THBS4: variants seen among roughly 807,000 people sequenced by gnomAD.
THBS4 encodes the protein thrombospondin-4.
A neutral mutation model predicts 115.7 loss-of-function variants in THBS4; 90 were observed. That is an observed-to-expected ratio of 0.78 (90% CI 0.66 to 0.93). The LOEUF (loss-of-function observed/expected upper bound fraction) is 0.93. Among genes scored for constraint, THBS4 ranks in the 40% least tolerant of loss-of-function variants. THBS4 has a pLI of 0.00. For synonymous variants in THBS4, 460 were observed against 479.3 expected, an observed-to-expected ratio of 0.96 and a Z score of 0.53; for missense variants, 1,087 against 1,232.7, an observed-to-expected ratio of 0.88 and a Z score of 1.77.
chr5:80,050,042 C>G (rs1833204331), intron 2 of THBS4, among the ~76,000 whole-genome samples: 1 of 152,140 alleles, frequency 6.6e-6, no homozygotes, highest in African/African-American at 2.4e-5. Context: ...GGGTACTAAC[C>G]CTGCACAATA....
Position 80,061,821 on chromosome 5 carries a change from T to C in THBS4, c.1114T>C (p.Ser372Pro), listed in dbSNP as rs769023940. 1 of 1,607,120 alleles carries C rather than the reference T, an allele frequency of 6.2e-7. No homozygotes were observed. The highest frequency in any genetic ancestry group is 1.1e-5 in the South Asian group (1 of 90,668). ...VQGVGISFAK[S>P]NKQVCTDIDE... is the part of the protein sequence containing the mutation. ...GGGTGTTGGGATCAGTTTTGCCAAG[T>C]CAAACAAGCAGGTAGGCTGAAGTCA... is the stretch of plus-strand genomic sequence containing the variant. Residue 372 changes from serine to proline, a missense_variant, in exon 8 of 22, where the codon TCA (serine) becomes CCA (proline). Ser to Pro is a moderately conservative substitution (Grantham distance 74). Coordinates refer to ENST00000350881, the MANE Select transcript of THBS4 (RefSeq NM_003248.6).
intron 20 of THBS4, among the ~76,000 whole-genome samples, chr5:80,081,255 CTT>C (rs1743491057): frequency 6.6e-6 from 1 of 152,144 alleles, no homozygotes; most frequent in South Asian, 2.1e-4. Flanking sequence ...CAAATGTACT[CTT>C]TTTGTCTCAC....
At chr5:80,022,149 T>C (rs1393382628) in intron 2 of THBS4, among the ~76,000 whole-genome samples, 2 of 152,186 alleles carry the variant, frequency 1.3e-5, no homozygotes, top group Non-Finnish European at 2.9e-5. Flanking sequence ...GGTCCCAGGT[T>C]TTATCAGGCA....
At chr5:79,993,586 C>T (rs1271330009) in intron 1 of THBS4, among the ~76,000 whole-genome samples, 1 of 152,086 alleles carries the variant, frequency 6.6e-6, no homozygotes, top group Admixed American at 6.5e-5. Flanking sequence ...AATGAGTATC[C>T]CAGACAGTGT....
chr5:80,060,619 G>T (rs1833599168), intron 7 of THBS4, among the ~76,000 whole-genome samples: 1 of 152,142 alleles, frequency 6.6e-6, no homozygotes, highest in Admixed American at 6.5e-5. Flanking sequence ...AATTACTGGG[G>T]CATGGTGGCA....
intron 9 of THBS4, 41 bp downstream of exon 9, chr5:80,065,518 G>A (rs748238944): frequency 3.2e-5 from 50 of 1,575,000 alleles, no homozygotes; most frequent in Non-Finnish European, 4.3e-5. Context: ...AGCAGAACCG[G>A]TTATTAAAAC....
chr5:80,019,272 T>TACAC (rs913254326), intron 2 of THBS4, among the ~76,000 whole-genome samples: 1 of 151,946 alleles, frequency 6.6e-6, no homozygotes, highest in Non-Finnish European at 1.5e-5. Context: ...AAAAAAGTCA[T>TACAC]ACACACACAC....
intron 11 of THBS4, 62 bp downstream of exon 11, chr5:80,070,472 T>C (rs1834000174): frequency 6.6e-7 from 1 of 1,510,932 alleles, no homozygotes; most frequent in Non-Finnish European, 9.2e-7. Context: ...TCACATCTTC[T>C]ATGGGGAGAG....
Position 80,078,068 on chromosome 5 carries a change from C to G in THBS4, c.2106C>G (p.Ile702Met). 1 of 1,595,284 alleles carries G rather than the reference C, an allele frequency of 6.3e-7. No individual in the cohort carries two copies. The highest frequency in any genetic ancestry group is 8.6e-7 in the Non-Finnish European group (1 of 1,167,426). Residue 702 changes from isoleucine (I) to methionine (M), a missense_variant, in exon 17 of 22, where the codon ATC becomes ATG. By Grantham distance (10) the Ile-to-Met change is conservative (BLOSUM62 1). Coordinates refer to ENST00000350881, the MANE Select transcript of THBS4 (RefSeq NM_003248.6). ...ACTCAGGCGACGGAGTGGGAGACAT[C>G]TGTGAGTCTGACTTTGACCAGGACC... ...EDSNSDGVGD[I>M]CESDFDQDQV...
At chr5:80,014,272 C>T (rs1037616812) in intron 2 of THBS4, among the ~76,000 whole-genome samples, 1 of 152,204 alleles carries the variant, frequency 6.6e-6, no homozygotes, top group Admixed American at 6.5e-5. Flanking sequence ...AGAGGATACT[C>T]AATGGATGTA....
At chr5:80,068,157 T>C (rs1468319332) in intron 10 of THBS4, 32 bp downstream of exon 10, 1 of 1,610,946 alleles carries the variant, frequency 6.2e-7, no homozygotes, top group Admixed American at 1.7e-5. Flanking sequence ...TCTATCATTT[T>C]TCCTCTTCCA....
intron 8 of THBS4, among the ~76,000 whole-genome samples, chr5:80,064,782 T>C (rs1157098176): frequency 2.0e-5 from 3 of 152,106 alleles, no homozygotes; most frequent in Non-Finnish European, 4.4e-5. Context: ...CAGATAAGTT[T>C]GTAAAACAGA....
intron 9 of THBS4, chr5:80,067,430 C>G (rs1457963348): frequency 6.6e-6 from 1 of 151,860 alleles, no homozygotes; most frequent in Non-Finnish European, 1.5e-5. Context: ...AAAACCTGGC[C>G]CCTGAAGTGT....
At chr5:80,008,460 G>A (rs1832059696) in intron 2 of THBS4, among the ~76,000 whole-genome samples, 2 of 151,918 alleles carry the variant, frequency 1.3e-5, no homozygotes, top group Non-Finnish European at 2.9e-5. Context: ...TGTCGCCCAG[G>A]CTGGAGTGCA....
Position 80,058,745 on chromosome 5 carries a change from A to T in THBS4, c.687A>T (p.Gln229His). The T allele has an allele frequency of 6.2e-7, 1 of 1,614,156 alleles. No homozygotes were observed. The highest frequency in any genetic ancestry group is 1.3e-5 in the African/African-American group (1 of 75,056). ...FNRQFLGQMTQLNQLLGEVKD... is the reference protein window; with the variant it reads ...FNRQFLGQMTHLNQLLGEVKD... ...GGCAGTTCTTGGGTCAAATGACACA[A>T]TTAAACCAACTCCTGGGAGAGGTGA... Residue 229 changes from glutamine (Q) to histidine (H), a missense_variant, in exon 5 of 22, where the codon CAA (glutamine) becomes CAT (histidine). This residue lies in a region of THBS4 where 979 missense variants were observed against 1,103.7 expected (regional missense o/e 0.89). Coordinates refer to ENST00000350881, the MANE Select transcript of THBS4 (RefSeq NM_003248.6).
chr5:79,992,431 A>G (rs1376251474), intron 1 of THBS4, among the ~76,000 whole-genome samples: 1 of 152,218 alleles, frequency 6.6e-6, no homozygotes, highest in Non-Finnish European at 1.5e-5. Context: ...AATATTTGCT[A>G]GGCACTCCCT....
In THBS4 at chr5:80,055,767, A is replaced by T; in HGVS notation, c.293-18A>T. 2 of 1,604,846 alleles carry T rather than the reference A, an allele frequency of 1.2e-6. No homozygotes were observed. The highest frequency in any genetic ancestry group is 1.7e-6 in the Non-Finnish European group (2 of 1,173,962). On this transcript the variant is annotated intron_variant, in intron 2 of 21. Transcript: ENST00000350881. ...CTGCCACTTATCACACCATTGGTTG[A>T]CCTGTGCTTGCTTCCAGCCATCCTC...
intron 4 of THBS4, 44 bp downstream of exon 4, chr5:80,058,358 T>A (rs1195224656): frequency 7.0e-5 from 100 of 1,431,190 alleles, no homozygotes; most frequent in Non-Finnish European, 8.8e-5. Context: ...CAACACAAAC[T>A]CCAAAGACCC....
chr5:80,045,037 T>G (rs1162052932), intron 2 of THBS4, among the ~76,000 whole-genome samples: 2 of 152,210 alleles, frequency 1.3e-5, no homozygotes, highest in East Asian at 3.8e-4. Flanking sequence ...ATGGGGATAA[T>G]AATAGCTACC....
Sources: allele counts gnomAD v4.1 joint callset (sites outside exome capture counted in the v4.1 genomes callset), GRCh38; gene constraint gnomAD v4.1.1; regional missense constraint gnomAD v4.1.1; transcripts MANE v1.5; gene names NCBI Gene and HGNC (gene_info 2026-07-23, HGNC 2026-07-21).